CELF2: variants seen among roughly 807,000 people sequenced by gnomAD.
The protein encoded by CELF2 is CUG triplet repeat RNA-binding protein 2.
CELF2 carries 8 observed loss-of-function variants against 62.6 expected under a neutral mutation model. That is an observed-to-expected ratio of 0.13 (90% CI 0.07 to 0.23). The LOEUF (loss-of-function observed/expected upper bound fraction) is 0.23. Ranked by LOEUF, CELF2 falls within the 10% of genes least tolerant of loss-of-function variation. The pLI, the probability that CELF2 is intolerant of heterozygous loss-of-function variation, is 1.00. For missense variants in CELF2, 333 were observed against 671.0 expected (o/e 0.50, Z 5.56); for synonymous variants, 258 against 250.0 (o/e 1.03, Z -0.30).
chr10:11,273,295 C>T (rs536502750), intron 7 of CELF2, among the ~76,000 whole-genome samples: 1 of 152,212 alleles, frequency 6.6e-6, no homozygotes, highest in East Asian at 1.9e-4. Flanking sequence ...GGCGAGAGAG[C>T]GTTACTGCCT....
At chr10:10,911,026 C>T (rs1207613638) in intron 1 of CELF2, among the ~76,000 whole-genome samples, 1 of 152,178 alleles carries the variant, frequency 6.6e-6, no homozygotes, top group African/African-American at 2.4e-5. Flanking sequence ...AACATGCAAA[C>T]CCAAGCCTGC....
chr10:10,920,345 A>G (rs764292534), intron 2 of CELF2, among the ~76,000 whole-genome samples: 12 of 152,172 alleles, frequency 7.9e-5, no homozygotes, highest in Non-Finnish European at 1.3e-4. Context: ...CGAAAAACAT[A>G]TTGGATTGGT....
At chr10:10,516,895 T>C in the CELF2 span, among the ~76,000 whole-genome samples, 85 of 152,234 alleles carry the variant, frequency 5.6e-4, no homozygotes, top group Non-Finnish European at 1.0e-3. Context: ...TCATTCCCCA[T>C]GGACAAACCA....
chr10:11,131,728 T>C (rs1472480086), intron 1 of CELF2, among the ~76,000 whole-genome samples: 2 of 152,250 alleles, frequency 1.3e-5, no homozygotes, highest in East Asian at 1.9e-4. Flanking sequence ...GGATATACTT[T>C]GCAGCTAGTT....
chr10:11,327,992 A>G (rs1051627820), intron 12 of CELF2, among the ~76,000 whole-genome samples: 21 of 152,196 alleles, frequency 1.4e-4, no homozygotes, highest in Non-Finnish European at 2.4e-4. Context: ...CAGCCTTGCT[A>G]TACCTCTGCT....
At chr10:10,923,738 A>G (rs1453833823) in intron 2 of CELF2, 3 of 152,264 alleles carry the variant, frequency 2.0e-5, no homozygotes, top group African/African-American at 7.2e-5. Flanking sequence ...TCTTGTTAGG[A>G]TTAAAACAAA....
the CELF2 span, among the ~76,000 whole-genome samples, chr10:10,631,345 C>T: frequency 2.0e-5 from 3 of 152,190 alleles, no homozygotes; most frequent in African/African-American, 7.2e-5. Context: ...TCTGTGCAGG[C>T]ATGGAGGTGA....
intron 2 of CELF2, among the ~76,000 whole-genome samples, chr10:10,981,867 G>A (rs558880005): frequency 3.2e-4 from 48 of 151,790 alleles, no homozygotes; most frequent in East Asian, 2.9e-3. Context: ...AGGCTACACA[G>A]TCAGGATATA....
the CELF2 span, among the ~76,000 whole-genome samples, chr10:10,779,527 G>A: frequency 1.1e-3 from 164 of 150,694 alleles, 2 homozygotes; most frequent in African/African-American, 3.5e-3. Context: ...TTCTGGCTCC[G>A]TCTCCCTCAC....
the CELF2 span, among the ~76,000 whole-genome samples, chr10:10,622,603 C>A: frequency 6.6e-6 from 1 of 151,970 alleles, no homozygotes. Context: ...TACTGTGAGC[C>A]ATGATTATAC....
chr10:10,778,646 G>A, the CELF2 span, among the ~76,000 whole-genome samples: 13,164 of 152,176 alleles, frequency 0.087, 844 homozygotes, highest in East Asian at 0.18. Context: ...GTCCCTCATG[G>A]TGATATACCT....
the CELF2 span, among the ~76,000 whole-genome samples, chr10:10,783,817 C>T: frequency 1.3e-5 from 2 of 151,986 alleles, no homozygotes; most frequent in African/African-American, 2.4e-5. Flanking sequence ...AACCTTGTCT[C>T]TACTAAAAAT....
At chr10:10,562,916 G>T in the CELF2 span, among the ~76,000 whole-genome samples, 1 of 138,068 alleles carries the variant, frequency 7.2e-6, no homozygotes, top group Non-Finnish European at 1.5e-5. Context: ...ACTTCAGGAA[G>T]TCTAAGGCAT....
chr10:10,483,437 G>T, the CELF2 span, among the ~76,000 whole-genome samples: 1 of 152,112 alleles, frequency 6.6e-6, no homozygotes, highest in Non-Finnish European at 1.5e-5. Flanking sequence ...AGTCCACTGG[G>T]TATGTAAATA....
chr10:10,564,315 G>T, the CELF2 span, among the ~76,000 whole-genome samples: 1 of 152,130 alleles, frequency 6.6e-6, no homozygotes, highest in Non-Finnish European at 1.5e-5. Flanking sequence ...CAGAAATGGC[G>T]ACACATCAAC....
rs144030698 is a variant in CELF2 at position 11,211,791 on chromosome 10, T to TGAGAGAGA, written c.272-5618_272-5611dup. ...GAGTGAGAGTGTGTGTGTATGTGTG[T>TGAGAGAGA]GAGAGAGAGAGAGAGAGAGAGAGTG... On this transcript the variant is annotated intron_variant, in intron 2 of 12. Transcript: ENST00000633077. The surrounding 1 kb of genome is among the most constrained non-coding windows in gnomAD (Gnocchi z 4.8). Among the ~76,000 whole-genome samples, 1 of 135,540 alleles carries TGAGAGAGA rather than the reference T, an allele frequency of 7.4e-6. No homozygotes were observed. Among genetic ancestry groups the TGAGAGAGA allele is most frequent in the Admixed American group, 7.4e-5 (1 of 13,562 alleles). The allele number at this position is 135,540 out of a possible 152,430, so 88.9% of individuals were successfully genotyped here.
intron 1 of CELF2, among the ~76,000 whole-genome samples, chr10:10,803,844 G>A (rs1319187069): frequency 1.3e-5 from 2 of 152,176 alleles, no homozygotes; most frequent in Admixed American, 1.3e-4. Context: ...AATGAGTGAA[G>A]GAGTCACTCT....
At chr10:10,540,380 CCT>C in the CELF2 span, among the ~76,000 whole-genome samples, 4 of 152,178 alleles carry the variant, frequency 2.6e-5, no homozygotes, top group Non-Finnish European at 5.9e-5. Flanking sequence ...AAATGAAGAT[CCT>C]CTCAGGAACC....
intron 1 of CELF2, among the ~76,000 whole-genome samples, chr10:10,872,741 C>T (rs950466046): frequency 2.6e-5 from 4 of 151,994 alleles, no homozygotes; most frequent in African/African-American, 9.7e-5. Context: ...ATTTTTTTTG[C>T]ACCCATGGGG....
Sources: allele counts gnomAD v4.1 joint callset (sites outside exome capture counted in the v4.1 genomes callset), GRCh38; gene constraint gnomAD v4.1.1; non-coding constraint Gnocchi (gnomAD v3.1); transcripts MANE v1.5; gene names NCBI Gene and HGNC (gene_info 2026-07-23, HGNC 2026-07-21).